Variants in SPART observed in about 807,000 individuals in gnomAD.
SPART encodes spastic paraplegia 20 (Troyer syndrome).
Under a neutral mutation model 58.7 loss-of-function variants are expected in SPART, and 35 were observed. That is an observed-to-expected ratio of 0.60 (90% CI 0.46 to 0.79). The LOEUF (loss-of-function observed/expected upper bound fraction) is 0.79, where lower values mean the gene tolerates loss of function less well. Among genes scored for constraint, SPART ranks in the 30% least tolerant of loss-of-function variants. SPART has a pLI of 0.00. For missense variants in SPART, 730 were observed against 786.1 expected (o/e 0.93, Z 0.85); for synonymous variants, 284 against 280.7 (o/e 1.01, Z -0.12).
intron 4 of SPART, among the ~76,000 whole-genome samples, chr13:36,328,989 A>G (rs892372764): frequency 1.3e-5 from 2 of 152,094 alleles, no homozygotes; most frequent in African/African-American, 4.8e-5. Context: ...AATGCTGGCT[A>G]CTCGTGGAGC....
intron 1 of SPART, among the ~76,000 whole-genome samples, chr13:36,342,927 A>G (rs1010843428): frequency 9.9e-5 from 15 of 152,186 alleles, no homozygotes; most frequent in Non-Finnish European, 1.5e-4. Flanking sequence ...CACTTTACAA[A>G]ATAAAGGCAT....
At chr13:36,368,105 A>T in intron 1 of SPART, 1 of 411,522 alleles carries the variant, frequency 2.4e-6, no homozygotes. Flanking sequence ...TTTAAGGCTT[A>T]TCACTTTTCT....
chr13:36,367,618 A>C (rs1003372297), intron 1 of SPART, among the ~76,000 whole-genome samples: 11 of 150,464 alleles, frequency 7.3e-5, no homozygotes, highest in African/African-American at 2.2e-4. Context: ...TAAAAAAAAA[A>C]CTTAAAATAA....
chr13:36,362,875 G>T (rs896577580), intron 1 of SPART, among the ~76,000 whole-genome samples: 5 of 151,974 alleles, frequency 3.3e-5, no homozygotes, highest in Non-Finnish European at 7.4e-5. Context: ...GGTTATGTAA[G>T]ATTATTTTCC....
intron 5 of SPART, among the ~76,000 whole-genome samples, chr13:36,325,611 T>C (rs1385983336): frequency 1.3e-5 from 2 of 152,174 alleles, no homozygotes; most frequent in Non-Finnish European, 2.9e-5. Context: ...AAATAAAAGG[T>C]ATAAATCAGA....
At position 36,321,133 on chromosome 13, in the gene SPART, G is replaced by A. The variant is rs192459944; in HGVS notation, c.1288+5442C>T. Reference sequence around the variant, plus strand: ...TCCTTATTAGGCCCCAGTCTCATTCGAGACACCAGACCAACTTAGACTGTG... The same window carrying A: ...TCCTTATTAGGCCCCAGTCTCATTCAAGACACCAGACCAACTTAGACTGTG... On this transcript the variant is annotated intron_variant, in intron 5 of 8. Coordinates refer to ENST00000438666, the MANE Select transcript of SPART (RefSeq NM_015087.5). Among the ~76,000 whole-genome samples, 8 of 152,250 alleles carry A rather than the reference G, an allele frequency of 5.3e-5. No individual in the cohort carries two copies. The East Asian group carries it at 1.2e-3, about 22-fold the overall frequency.
intron 5 of SPART, among the ~76,000 whole-genome samples, chr13:36,318,259 C>A (rs1462342474): frequency 3.3e-5 from 5 of 152,170 alleles, no homozygotes; most frequent in Non-Finnish European, 2.9e-5. Context: ...CCCCTCCTGC[C>A]CAGCAATTTA....
At chr13:36,341,543 A>G (rs1016525358) in intron 1 of SPART, among the ~76,000 whole-genome samples, 24 of 152,160 alleles carry the variant, frequency 1.6e-4, no homozygotes, top group Non-Finnish European at 1.0e-4. Context: ...ACATGTACCT[A>G]GTGGCTACTG....
At chr13:36,307,946 A>C (rs1346689800) in intron 8 of SPART, among the ~76,000 whole-genome samples, 1 of 152,124 alleles carries the variant, frequency 6.6e-6, no homozygotes, top group Non-Finnish European at 1.5e-5. Flanking sequence ...ATAAAATTAA[A>C]GGACATTTAA....
rs1442118181 is a variant in SPART at position 36,302,514 on chromosome 13, A to G, written c.*1851T>C. 2 of 152,222 alleles carry G rather than the reference A, an allele frequency of 1.3e-5. No homozygotes were observed. Among genetic ancestry groups the G allele is most frequent in the Admixed American group, 1.3e-4 (2 of 15,280 alleles). 9.4% of individuals were successfully genotyped at this position (152,222 alleles called of 1,614,324 possible). Reference sequence around the variant, plus strand: ...AAACGTTATTTATGAAAACAGGTGGACATCTGGATTTAGCCCATGGAGGAT... The same window carrying G: ...AAACGTTATTTATGAAAACAGGTGGGCATCTGGATTTAGCCCATGGAGGAT... On this transcript the variant is annotated 3_prime_UTR_variant, in exon 9 of 9. Transcript: ENST00000438666.
intron 3 of SPART, 71 bp from the exon 4 acceptor site, chr13:36,329,588 C>T (rs1593254603): frequency 1.0e-5 from 15 of 1,458,878 alleles, no homozygotes; most frequent in Non-Finnish European, 1.2e-5. Flanking sequence ...AGCTATATTA[C>T]ACCATGCTCA....
intron 8 of SPART, among the ~76,000 whole-genome samples, chr13:36,309,175 C>T (rs146705389): frequency 0.015 from 2,283 of 148,702 alleles, 53 homozygotes; most frequent in African/African-American, 0.054. Context: ...ACCTGGGAGG[C>T]GGAGGTTGCA....
upstream of SPART, among the ~76,000 whole-genome samples, chr13:36,349,328 T>C (rs755023030): frequency 2.0e-5 from 3 of 152,234 alleles, no homozygotes; most frequent in African/African-American, 7.2e-5. Flanking sequence ...GGTATGTTTA[T>C]GTTCACAGAA....
At chr13:36,350,251 ATC>A (rs1290998956), upstream of SPART, among the ~76,000 whole-genome samples, 1 of 152,168 alleles carries the variant, frequency 6.6e-6, no homozygotes, top group African/African-American at 2.4e-5. Flanking sequence ...TCTGGCTTAG[ATC>A]TCGCAGGTGA....
At position 36,326,562 on chromosome 13, in the gene SPART, A is replaced by T; in HGVS notation, c.1288+13T>A. On this transcript the variant is annotated intron_variant, in intron 5 of 8. Transcript: ENST00000438666. ...ATGTCATACAGGGAAAAAAATTAACATTACTGTAATACCTGACAAAATGTT... is the reference window on the plus strand; with the variant it reads ...ATGTCATACAGGGAAAAAAATTAACTTTACTGTAATACCTGACAAAATGTT... 1 of 1,613,082 alleles carries T rather than the reference A, an allele frequency of 6.2e-7. No homozygotes were observed. The highest frequency in any genetic ancestry group is 1.3e-5 in the African/African-American group (1 of 75,016).
At chr13:36,319,022 G>A (rs901472867) in intron 5 of SPART, among the ~76,000 whole-genome samples, 13 of 151,888 alleles carry the variant, frequency 8.6e-5, no homozygotes, top group South Asian at 2.1e-4. Flanking sequence ...TAATCAATAC[G>A]GAGGCTACCC....
intron 8 of SPART, among the ~76,000 whole-genome samples, chr13:36,307,977 A>G (rs1880684831): frequency 1.3e-5 from 2 of 152,146 alleles, no homozygotes; most frequent in Non-Finnish European, 2.9e-5. Flanking sequence ...TTGGAGAGCA[A>G]TCGCTTATCA....
intron 1 of SPART, among the ~76,000 whole-genome samples, chr13:36,355,952 G>T (rs1328845205): frequency 1.3e-5 from 2 of 152,176 alleles, no homozygotes; most frequent in Non-Finnish European, 2.9e-5. Context: ...GTGGGAAAAA[G>T]TTATAGAGAA....
chr13:36,363,538 T>C (rs1885947660), intron 1 of SPART, among the ~76,000 whole-genome samples: 1 of 152,140 alleles, frequency 6.6e-6, no homozygotes, highest in African/African-American at 2.4e-5. Context: ...GGGGTTTTTA[T>C]TGACCAGAGG....
Sources: allele counts gnomAD v4.1 joint callset (sites outside exome capture counted in the v4.1 genomes callset), GRCh38; gene constraint gnomAD v4.1.1; transcripts MANE v1.5; gene names NCBI Gene and HGNC (gene_info 2026-07-23, HGNC 2026-07-21).